The following SCARA3 variants were observed in gnomAD, a reference collection of about 807,000 sequenced individuals.
SCARA3 encodes cellular stress response gene protein.
A neutral mutation model predicts 47.0 loss-of-function variants in SCARA3; 39 were observed. The observed-to-expected ratio is 0.83, with a 90% CI of 0.64 to 1.08. The LOEUF (loss-of-function observed/expected upper bound fraction) is 1.08, where lower values mean the gene tolerates loss of function less well. Among genes scored for constraint, SCARA3 ranks in the 50% least tolerant of loss-of-function variants. The pLI is 0.00. For synonymous variants in SCARA3, 356 were observed against 334.1 expected (o/e 1.07, Z -0.71); for missense variants, 724 against 792.3 (o/e 0.91, Z 1.04).
chr8:27,671,853 T>G lies in SCARA3; in HGVS notation c.*502T>G. ...TACACAGATTTTTCTGCTGGCCAGGTGGGCCAACTGGGTTTCCCTGGCTGG... is the reference window on the plus strand; with the variant it reads ...TACACAGATTTTTCTGCTGGCCAGGGGGGCCAACTGGGTTTCCCTGGCTGG... On this transcript the variant is annotated 3_prime_UTR_variant, in exon 6 of 6. Transcript: ENST00000301904. The G allele has an allele frequency of 2.0e-6, 2 of 985,486 alleles. No individual in the cohort carries two copies. Among genetic ancestry groups the G allele is most frequent in the Non-Finnish European group, 2.4e-6 (2 of 829,990 alleles). The allele number at this position is 985,486 out of a possible 1,614,324, so 61.0% of individuals were successfully genotyped here.
chr8:27,646,374 A>T (rs1332432489), intron 1 of SCARA3, among the ~76,000 whole-genome samples: 8 of 152,174 alleles, frequency 5.3e-5, no homozygotes, highest in African/African-American at 1.9e-4. Context: ...GGTTATAACA[A>T]AGCTCTGTGT....
At chr8:27,676,447 G>A, downstream of SCARA3, 6 of 1,038,590 alleles carry the variant, frequency 5.8e-6, no homozygotes, top group South Asian at 4.5e-5. Flanking sequence ...CCAGGCCCCC[G>A]ACTTCCCTGA....
At chr8:27,651,759 A>C in intron 3 of SCARA3, 132 bp downstream of exon 3, 8 of 1,258,198 alleles carry the variant, frequency 6.4e-6, no homozygotes, top group South Asian at 1.4e-5. Flanking sequence ...CTTCCTGGCT[A>C]GGGGATCTCT....
chr8:27,645,387 C>T (rs1801471784), intron 1 of SCARA3, among the ~76,000 whole-genome samples: 1 of 152,258 alleles, frequency 6.6e-6, no homozygotes, highest in Non-Finnish European at 1.5e-5. Flanking sequence ...TTGAGGGGAG[C>T]TTTCCTGACC....
chr8:27,651,083 G>C (rs771931625), intron 2 of SCARA3, among the ~76,000 whole-genome samples: 2 of 152,200 alleles, frequency 1.3e-5, no homozygotes, highest in Non-Finnish European at 2.9e-5. Flanking sequence ...GCACCATGCT[G>C]AGGAGCTCCT....
chr8:27,644,118 G>T (rs1165539982), intron 1 of SCARA3, among the ~76,000 whole-genome samples: 3 of 152,184 alleles, frequency 2.0e-5, no homozygotes, highest in African/African-American at 7.2e-5. Flanking sequence ...GTCCTTTCTG[G>T]AGTTTGAGAT....
chr8:27,679,316 T>C (rs991023838), downstream of SCARA3, among the ~76,000 whole-genome samples: 13 of 152,230 alleles, frequency 8.5e-5, no homozygotes, highest in Non-Finnish European at 1.8e-4. Flanking sequence ...AAAACATGTT[T>C]TGTTAAAGGG....
intron 1 of SCARA3, among the ~76,000 whole-genome samples, chr8:27,647,550 G>A (rs942419768): frequency 4.6e-5 from 7 of 152,222 alleles, no homozygotes; most frequent in African/African-American, 1.4e-4. Context: ...TCTCTGTGCC[G>A]GCCACTGTGC....
At chr8:27,655,963 G>T (rs576029) in intron 3 of SCARA3, among the ~76,000 whole-genome samples, 13 of 151,882 alleles carry the variant, frequency 8.6e-5, no homozygotes, top group African/African-American at 1.9e-4. Context: ...CCGTTTATCC[G>T]CAGTTTCAGT....
chr8:27,733,117 C>T, the SCARA3 span, among the ~76,000 whole-genome samples: 817 of 152,250 alleles, frequency 5.4e-3, 5 homozygotes, highest in Admixed American at 8.2e-3. Flanking sequence ...AATCCTCCTC[C>T]TGGAATTCTT....
Position 27,658,807 on chromosome 8 carries a change from T to G in SCARA3, c.637T>G (p.Cys213Gly), listed in dbSNP as rs1443663345. The change falls in exon 5 of 6, where the codon TGC becomes GGC. Residue 213 changes from cysteine to glycine, a missense_variant. Transcript: ENST00000301904. ...CTCTCTGAAGGACCTCACCCAGGAG[T>G]GCTACGATGTCAAGGCTGCAGTGCA... ...DLSLKDLTQE[C>G]YDVKAAVHQI... The G allele has an allele frequency of 3.1e-6, 5 of 1,613,112 alleles. No homozygotes were observed. The highest frequency in any genetic ancestry group is 4.2e-6 in the Non-Finnish European group (5 of 1,179,780).
intron 1 of SCARA3, among the ~76,000 whole-genome samples, chr8:27,639,788 C>A (rs537205538): frequency 1.3e-5 from 2 of 152,194 alleles, no homozygotes; most frequent in Non-Finnish European, 2.9e-5. Context: ...AGGCAGAGAA[C>A]CATGATGGTA....
At chr8:27,733,699 ATT>A in the SCARA3 span, 3 of 152,198 alleles carry the variant, frequency 2.0e-5, no homozygotes, top group African/African-American at 7.2e-5. Flanking sequence ...GAATATGGAA[ATT>A]TGTTATTTAC....
intron 2 of SCARA3, 137 bp downstream of exon 2, chr8:27,649,937 G>T (rs1454563652): frequency 1.4e-6 from 1 of 699,778 alleles, no homozygotes; most frequent in East Asian, 2.7e-5. Flanking sequence ...TTCCTGGATG[G>T]TGAAAGGGCA....
At chr8:27,699,824 T>A in the SCARA3 span, among the ~76,000 whole-genome samples, 1 of 152,150 alleles carries the variant, frequency 6.6e-6, no homozygotes, top group Non-Finnish European at 1.5e-5. Flanking sequence ...AAAGCAGCAG[T>A]AATTAAGACA....
the SCARA3 span, among the ~76,000 whole-genome samples, chr8:27,729,943 A>G: frequency 2.6e-5 from 4 of 152,236 alleles, no homozygotes; most frequent in African/African-American, 9.6e-5. Flanking sequence ...CACCCACACA[A>G]GAGCTCTTCT....
downstream of SCARA3, chr8:27,673,048 A>T: frequency 1.0e-6 from 1 of 965,674 alleles, no homozygotes; most frequent in Non-Finnish European, 1.2e-6. Context: ...TTTCTGCCTG[A>T]CTTGGGGGCA....
chr8:27,634,130 C>G lies in SCARA3; in HGVS notation c.-71C>G, dbSNP rs1317793834. Reference sequence around the variant, plus strand: ...GCGATCCGCGCCCTGGAGGATCCGCCGGCCGCCCGGCTCCACTACAGCTCC... The same window carrying G: ...GCGATCCGCGCCCTGGAGGATCCGCGGGCCGCCCGGCTCCACTACAGCTCC... On this transcript the variant is annotated 5_prime_UTR_variant, in exon 1 of 6. Transcript: ENST00000301904. The G allele has an allele frequency of 1.4e-6, 2 of 1,408,672 alleles. No homozygotes were observed. The highest frequency in any genetic ancestry group is 1.9e-6 in the Non-Finnish European group (2 of 1,077,970). The allele number at this position is 1,408,672 out of a possible 1,614,324, so 87.3% of individuals were successfully genotyped here. A position where few individuals can be genotyped will look rare whatever the true frequency, so the allele number is the denominator to read the frequency against.
chr8:27,658,953 C>T lies in SCARA3; in HGVS notation c.783C>T (p.Leu261=). 1 of 1,614,196 alleles carries T rather than the reference C, an allele frequency of 6.2e-7. No homozygotes were observed. ...IVTDWQNYTR[L]FSGLRTTSTK... ...CCGACTGGCAGAACTACACACGGCT[C>T]TTCAGCGGCCTGCGCACCACCTCCA... Residue 261 remains leucine, a synonymous_variant, in exon 5 of 6, where the codon CTC becomes CTT. Coordinates refer to ENST00000301904, the MANE Select transcript of SCARA3 (RefSeq NM_016240.3).
Sources: gnomAD v4.1 joint callset for allele counts (sites outside exome capture counted in the v4.1 genomes callset) on GRCh38, gnomAD v4.1.1 for gene constraint, MANE v1.5 for transcripts, NCBI Gene and HGNC (gene_info 2026-07-23, HGNC 2026-07-21) for gene names.